The following COMMD10 variants were observed in gnomAD, a reference collection of about 807,000 sequenced individuals.
COMMD10 encodes COMM domain-containing protein 10.
Under a neutral mutation model 28.9 loss-of-function variants are expected in COMMD10, and 33 were observed. The ratio of observed to expected loss-of-function variants is 1.14; its 90% confidence interval spans 0.87 to 1.53. The LOEUF is 1.53. COMMD10 is among the 40% of genes most tolerant of loss of function. COMMD10 has a pLI of 0.00. For missense variants in COMMD10, 310 were observed against 233.4 expected, an observed-to-expected ratio of 1.33 and a Z score of -2.14; for synonymous variants, 110 against 81.7, an observed-to-expected ratio of 1.35 and a Z score of -1.87.
chr5:116,101,216 C>A (rs1205131029), intron 4 of COMMD10, among the ~76,000 whole-genome samples: 1 of 152,074 alleles, frequency 6.6e-6, no homozygotes, highest in African/African-American at 2.4e-5. Context: ...AGTGCAAGTA[C>A]CTTTTTAGTA....
At chr5:116,095,705 A>G (rs1404601555) in intron 4 of COMMD10, among the ~76,000 whole-genome samples, 1 of 151,958 alleles carries the variant, frequency 6.6e-6, no homozygotes, top group Non-Finnish European at 1.5e-5. Flanking sequence ...CAGCCTAATC[A>G]TGACATAAAT....
At chr5:116,094,554 C>T (rs1347154313) in intron 4 of COMMD10, among the ~76,000 whole-genome samples, 1 of 152,110 alleles carries the variant, frequency 6.6e-6, no homozygotes, top group Admixed American at 6.5e-5. Flanking sequence ...AAAGGGAACT[C>T]TCATATGCTT....
intron 5 of COMMD10, among the ~76,000 whole-genome samples, chr5:116,264,253 G>T (rs533542109): frequency 6.6e-6 from 1 of 151,694 alleles, no homozygotes; most frequent in Admixed American, 6.6e-5. Flanking sequence ...AAGAAAGAGG[G>T]TTTTCTTCTG....
At position 116,227,430 on chromosome 5, in the gene COMMD10, C is replaced by G. The variant is rs112693828; in HGVS notation, c.511-64087C>G. On this transcript the variant is annotated intron_variant, in intron 5 of 6. Transcript: ENST00000274458. ...GATTTCCTTTTGTCTTTCACAAGAT[C>G]TTTGAAATCCCATTTTCTCTACATC... is the stretch of plus-strand genomic sequence containing the variant. Among the ~76,000 whole-genome samples the G allele has an allele frequency of 2.1e-3, 314 of 152,094 alleles. 3 individuals are homozygous for G. The highest frequency in any genetic ancestry group is 7.1e-3 in the African/African-American group (296 of 41,520).
At chr5:116,256,367 G>T (rs37182) in intron 5 of COMMD10, among the ~76,000 whole-genome samples, 15,003 of 151,656 alleles carry the variant, frequency 0.099, 931 homozygotes, top group East Asian at 0.24. Context: ...GCTTTGACAT[G>T]ATTATAGTGA....
chr5:116,286,978 T>C (rs1440394321), intron 5 of COMMD10, among the ~76,000 whole-genome samples: 1 of 151,868 alleles, frequency 6.6e-6, no homozygotes, highest in Non-Finnish European at 1.5e-5. Context: ...ATTGTGTTGT[T>C]GTCAAATTTC....
At chr5:116,216,426 T>C (rs1405305345) in intron 5 of COMMD10, among the ~76,000 whole-genome samples, 1 of 152,224 alleles carries the variant, frequency 6.6e-6, no homozygotes, top group Non-Finnish European at 1.5e-5. Flanking sequence ...AGTTTCATAA[T>C]AGGTTATGTT....
At chr5:116,145,378 G>T (rs1227950780) in intron 5 of COMMD10, among the ~76,000 whole-genome samples, 1 of 151,756 alleles carries the variant, frequency 6.6e-6, no homozygotes, top group Admixed American at 6.6e-5. Flanking sequence ...TGGATAATTG[G>T]GTTTAATCAT....
Position 116,087,586 on chromosome 5 carries a change from A to G in COMMD10, c.131A>G (p.Lys44Arg). Residue 44 changes from lysine to arginine, a missense_variant and splice_region_variant, in exon 2 of 7, where the codon AAG (lysine) becomes AGG (arginine). Physicochemically the swap from Lys to Arg is conservative, Grantham distance 26. Coordinates refer to ENST00000274458, the MANE Select transcript of COMMD10 (RefSeq NM_016144.4). ...CGGATTCTTCAAAAACTTCACCTGAAGGTTTGTATTTGTGTGTTTCCATGC... is the reference window on the plus strand; with the variant it reads ...CGGATTCTTCAAAAACTTCACCTGAGGGTTTGTATTTGTGTGTTTCCATGC... ...LTRILQKLHL[K>R]AESSFSEEEE... is the part of the protein sequence containing the mutation. 3 of 1,591,656 alleles carry G rather than the reference A, an allele frequency of 1.9e-6. No homozygotes were observed. Among genetic ancestry groups the G allele is most frequent in the Non-Finnish European group, 2.6e-6 (3 of 1,159,598 alleles).
intron 5 of COMMD10, among the ~76,000 whole-genome samples, chr5:116,190,886 T>A (rs1748348107): frequency 6.6e-6 from 1 of 152,216 alleles, no homozygotes; most frequent in Admixed American, 6.5e-5. Context: ...TTTAAGTGAA[T>A]ATTTAAGTCA....
At chr5:116,209,395 A>G (rs185321596) in intron 5 of COMMD10, among the ~76,000 whole-genome samples, 72 of 152,314 alleles carry the variant, frequency 4.7e-4, no homozygotes, top group African/African-American at 1.7e-3. Flanking sequence ...ATCTGTAGTT[A>G]ATACTGATTT....
intron 5 of COMMD10, among the ~76,000 whole-genome samples, chr5:116,152,984 C>A (rs1239799769): frequency 4.6e-5 from 7 of 151,970 alleles, no homozygotes; most frequent in African/African-American, 1.7e-4. Context: ...ATAATAGCTA[C>A]CCACTCAGGT....
In COMMD10 at chr5:116,147,128, T is replaced by C. The variant is rs779592581; in HGVS notation, c.510+12950T>C. On this transcript the variant is annotated intron_variant, in intron 5 of 6. Transcript: ENST00000274458. ...AGCATCAACCCAGCACCATCGGTTC[T>C]GTGTTTTTGGTGTGTATCTGGATGA... Among the ~76,000 whole-genome samples the C allele has an allele frequency of 3.3e-4, 50 of 151,972 alleles. 1 individual carries two copies. The highest frequency in any genetic ancestry group is 3.4e-3 in the Middle Eastern group (1 of 294).
At chr5:116,131,851 CAAA>C (rs1390953847) in intron 4 of COMMD10, among the ~76,000 whole-genome samples, 1 of 151,922 alleles carries the variant, frequency 6.6e-6, no homozygotes, top group Non-Finnish European at 1.5e-5. Flanking sequence ...ACACTGGAGT[CAAA>C]GAAGAGGCAT....
At chr5:116,271,973 T>G (rs1404483779) in intron 5 of COMMD10, among the ~76,000 whole-genome samples, 1 of 151,868 alleles carries the variant, frequency 6.6e-6, no homozygotes, top group Admixed American at 6.6e-5. Flanking sequence ...ATAACCACTT[T>G]GGGATTACAC....
chr5:116,176,609 A>G (rs747695087), intron 5 of COMMD10, among the ~76,000 whole-genome samples: 1 of 152,142 alleles, frequency 6.6e-6, no homozygotes, highest in Non-Finnish European at 1.5e-5. Context: ...TAAAATTCAT[A>G]TTTTAAAGTC....
At chr5:116,237,090 CTG>C (rs1043114986) in intron 5 of COMMD10, among the ~76,000 whole-genome samples, 1 of 152,180 alleles carries the variant, frequency 6.6e-6, no homozygotes, top group South Asian at 2.1e-4. Context: ...TGAGCAAAGA[CTG>C]TGGCTATCTG....
chr5:116,273,244 G>GT (rs1245412206), intron 5 of COMMD10, among the ~76,000 whole-genome samples: 3 of 151,788 alleles, frequency 2.0e-5, no homozygotes, highest in Non-Finnish European at 4.4e-5. Context: ...TCCATGCATA[G>GT]TTTTTTCATA....
chr5:116,221,915 A>C (rs1749270421), intron 5 of COMMD10, among the ~76,000 whole-genome samples: 1 of 152,200 alleles, frequency 6.6e-6, no homozygotes. Context: ...ATAGGCAGGC[A>C]GTTCAACCAG....
Sources: allele counts gnomAD v4.1 joint callset (sites outside exome capture counted in the v4.1 genomes callset), GRCh38; gene constraint gnomAD v4.1.1; transcripts MANE v1.5; gene names NCBI Gene and HGNC (gene_info 2026-07-23, HGNC 2026-07-21).